Variants in MS4A6E observed in about 807,000 individuals in gnomAD.
MS4A6E encodes the protein membrane spanning 4-domains A6E.
In MS4A6E, 8 loss-of-function variants were observed where a neutral mutation model predicts 13.2. That is an observed-to-expected ratio of 0.60 (90% CI 0.35 to 1.09). The LOEUF is 1.09. MS4A6E is among the 50% of genes least tolerant of loss of function. The pLI is 0.02. For missense variants in MS4A6E, 177 were observed against 171.1 expected, an observed-to-expected ratio of 1.03 and a Z score of -0.19; for synonymous variants, 72 against 67.6, an observed-to-expected ratio of 1.06 and a Z score of -0.32.
downstream of MS4A6E, among the ~76,000 whole-genome samples, chr11:60,343,079 A>G (rs2085238013): frequency 6.6e-6 from 1 of 151,940 alleles, no homozygotes; most frequent in Non-Finnish European, 1.5e-5. Flanking sequence ...GGTCCTCAGA[A>G]GAAAGGCGTG....
At position 60,329,305 on chromosome 11, in the gene MS4A6E, C is replaced by T. The variant is rs192268127; in HGVS notation, c.-15+1897C>T. Among the ~76,000 whole-genome samples the T allele has an allele frequency of 3.7e-3, 560 of 152,194 alleles. 6 individuals carry two copies. The highest frequency in any genetic ancestry group is 0.013 in the African/African-American group (531 of 41,512). On this transcript the variant is annotated intron_variant, in intron 1 of 4. Transcript: ENST00000684409. ...GATGGTTTCCAGCTTTATCCATGTC[C>T]CTGAAAAGGACATGAACTCATTCTT...
At chr11:60,340,006 T>C (rs2135064022) in intron 4 of MS4A6E, 42 bp downstream of exon 4, 1 of 1,606,224 alleles carries the variant, frequency 6.2e-7, no homozygotes, top group Non-Finnish European at 8.5e-7. Context: ...GCCTAGTGTA[T>C]CTTATCTCTG....
chr11:60,335,819 T>C (rs1365994397), intron 2 of MS4A6E, among the ~76,000 whole-genome samples: 1 of 152,222 alleles, frequency 6.6e-6, no homozygotes, highest in Non-Finnish European at 1.5e-5. Flanking sequence ...GAAGGAAAAC[T>C]ACCTCCTAAG....
At chr11:60,334,836 G>C in intron 1 of MS4A6E, 46 bp from the exon 2 acceptor site, 1 of 1,590,210 alleles carries the variant, frequency 6.3e-7, no homozygotes, top group Non-Finnish European at 8.6e-7. Flanking sequence ...GCCAGAACTT[G>C]GGAGCTCTGT....
intron 2 of MS4A6E, among the ~76,000 whole-genome samples, chr11:60,336,184 T>C (rs2085187578): frequency 6.6e-6 from 1 of 152,220 alleles, no homozygotes; most frequent in Non-Finnish European, 1.5e-5. Context: ...TAACTGTCTA[T>C]GATGGAAATG....
intron 1 of MS4A6E, among the ~76,000 whole-genome samples, chr11:60,332,956 G>A (rs2868121): frequency 0.36 from 54,453 of 152,080 alleles, 10,274 homozygotes; most frequent in East Asian, 0.41. Flanking sequence ...GAGCCCACAC[G>A]CTTCATTTTG....
chr11:60,331,914 C>T (rs2085158515), intron 1 of MS4A6E, among the ~76,000 whole-genome samples: 1 of 152,180 alleles, frequency 6.6e-6, no homozygotes, highest in Non-Finnish European at 1.5e-5. Context: ...GACAGACATC[C>T]TTGAACCAGA....
chr11:60,334,792 A>G (rs1280548342), intron 1 of MS4A6E, 90 bp from the exon 2 acceptor site: 2 of 1,380,384 alleles, frequency 1.4e-6, no homozygotes, highest in Non-Finnish European at 2.0e-6. Flanking sequence ...CCAAGTCTGG[A>G]CTAATTGGCA....
chr11:60,342,175 GTGTGAGAGAGAGA>G (rs2085230266), downstream of MS4A6E, among the ~76,000 whole-genome samples: 1 of 31,782 alleles, frequency 3.1e-5, no homozygotes, highest in African/African-American at 9.8e-5. Context: ...GTGTGTGTGT[GTGTGAGAGAGAGA>G]GAGAGAGAGA....
downstream of MS4A6E, among the ~76,000 whole-genome samples, chr11:60,342,176 TGTGAGA>T (rs762220648): frequency 0.021 from 803 of 37,704 alleles, 3 homozygotes; most frequent in South Asian, 0.036. Context: ...TGTGTGTGTG[TGTGAGA>T]GAGAGAGAGA....
chr11:60,348,342 G>A (rs2085264884), intron 4 of MS4A6E, among the ~76,000 whole-genome samples: 2 of 152,188 alleles, frequency 1.3e-5, no homozygotes, highest in South Asian at 4.1e-4. Flanking sequence ...CCACGTGCTT[G>A]CCAGATGAAG....
downstream of MS4A6E, among the ~76,000 whole-genome samples, chr11:60,343,745 CT>C (rs1417260104): frequency 2.0e-5 from 3 of 152,194 alleles, no homozygotes; most frequent in South Asian, 2.1e-4. Flanking sequence ...TACTTACTTA[CT>C]TATCTTTTAT....
chr11:60,343,745 C>T (rs1365513421), downstream of MS4A6E, among the ~76,000 whole-genome samples: 2 of 152,194 alleles, frequency 1.3e-5, no homozygotes, highest in Non-Finnish European at 2.9e-5. Context: ...TACTTACTTA[C>T]TTATCTTTTA....
chr11:60,336,724 T>G (rs1331881051), intron 2 of MS4A6E, among the ~76,000 whole-genome samples: 1 of 152,162 alleles, frequency 6.6e-6, no homozygotes, highest in Admixed American at 6.5e-5. Context: ...GGTGAGTTCC[T>G]AAAAGAAGAA....
intron 4 of MS4A6E, among the ~76,000 whole-genome samples, chr11:60,340,297 G>A (rs2085216238): frequency 6.6e-6 from 1 of 152,198 alleles, no homozygotes; most frequent in African/African-American, 2.4e-5. Context: ...GAGGACGCTA[G>A]AACCTGGCTT....
chr11:60,334,770 C>G, intron 1 of MS4A6E, 112 bp from the exon 2 acceptor site: 2 of 1,190,400 alleles, frequency 1.7e-6, no homozygotes, highest in Non-Finnish European at 2.4e-6. Flanking sequence ...GTTTCTTTCT[C>G]TAACACACAG....
chr11:60,331,171 G>C (rs2085153660), intron 1 of MS4A6E, among the ~76,000 whole-genome samples: 1 of 152,000 alleles, frequency 6.6e-6, no homozygotes, highest in South Asian at 2.1e-4. Context: ...AAATACTTAA[G>C]ACATGTCCCC....
chr11:60,333,968 G>A (rs1211094652), intron 1 of MS4A6E, among the ~76,000 whole-genome samples: 3 of 152,132 alleles, frequency 2.0e-5, no homozygotes, highest in Admixed American at 1.3e-4. Context: ...CATTTTACTC[G>A]TCCTGGCCTC....
intron 3 of MS4A6E, among the ~76,000 whole-genome samples, chr11:60,339,618 A>G (rs571428381): frequency 2.4e-4 from 36 of 152,200 alleles, no homozygotes; most frequent in Non-Finnish European, 4.7e-4. Flanking sequence ...AGAAGTGAGA[A>G]ACAAGTGTAT....
Sources: allele counts gnomAD v4.1 joint callset (sites outside exome capture counted in the v4.1 genomes callset), GRCh38; gene constraint gnomAD v4.1.1; transcripts MANE v1.5; gene names NCBI Gene and HGNC (gene_info 2026-07-23, HGNC 2026-07-21).